Variants in PPARA observed in about 807,000 individuals in gnomAD.
PPARA encodes peroxisome proliferator activated receptor alpha.
Under a neutral mutation model 42.2 loss-of-function variants are expected in PPARA, and 22 were observed. That is an observed-to-expected ratio of 0.52 (90% CI 0.37 to 0.74). The LOEUF is 0.74. Among genes scored for constraint, PPARA ranks in the 30% least tolerant of loss-of-function variants. The pLI is 0.00. For synonymous variants in PPARA, 242 were observed against 239.3 expected (o/e 1.01, Z -0.10); for missense variants, 465 against 608.2 (o/e 0.76, Z 2.48).
chr22:46,175,302 T>G (rs1457758419), intron 2 of PPARA, among the ~76,000 whole-genome samples: 2 of 152,220 alleles, frequency 1.3e-5, no homozygotes, highest in Non-Finnish European at 2.9e-5. Flanking sequence ...ACATAATGTT[T>G]CCATCACCAA....
In PPARA at chr22:46,226,328, G is replaced by A. The variant is rs187867092; in HGVS notation, c.712-5464G>A. Among the ~76,000 whole-genome samples the A allele has an allele frequency of 8.9e-4, 135 of 152,314 alleles. 2 individuals are homozygous for A. Among genetic ancestry groups the A allele is most frequent in the Non-Finnish European group, 9.7e-4 (66 of 68,026 alleles). On this transcript the variant is annotated intron_variant, in intron 7 of 8. Transcript: ENST00000407236. Reference sequence around the variant, plus strand: ...TTCCAAAAAATGAGTGTGGTGTTCAGTTAAACAACCAAATAATTCTTTAGC... The same window carrying A: ...TTCCAAAAAATGAGTGTGGTGTTCAATTAAACAACCAAATAATTCTTTAGC...
intron 4 of PPARA, among the ~76,000 whole-genome samples, chr22:46,214,385 G>A (rs1322030149): frequency 2.7e-5 from 4 of 150,518 alleles, no homozygotes; most frequent in African/African-American, 9.8e-5. Flanking sequence ...GGAAATGTGC[G>A]GATCAGGAGA....
At position 46,196,661 on chromosome 22, in the gene PPARA, C is replaced by T. The variant is rs188166033; in HGVS notation, c.-42-1681C>T. Among the ~76,000 whole-genome samples, 37 of 152,352 alleles carry T rather than the reference C, an allele frequency of 2.4e-4. No homozygotes were observed. The East Asian group carries it at 6.8e-3, about 28-fold the overall frequency. On this transcript the variant is annotated intron_variant, in intron 3 of 8. Coordinates refer to ENST00000407236, the MANE Select transcript of PPARA (RefSeq NM_005036.6). The surrounding 1 kb of genome is among the most constrained non-coding windows in gnomAD (Gnocchi z 5.6). ...CCACACGTGCATTCATTTCGTTGTT[C>T]ACCATCTGTGTCCCAGTTACAAGGG...
chr22:46,204,760 C>T lies in PPARA; in HGVS notation c.208+6169C>T, dbSNP rs1015533199. On this transcript the variant is annotated intron_variant, in intron 4 of 8. Coordinates refer to ENST00000407236, the MANE Select transcript of PPARA (RefSeq NM_005036.6). This position sits in a 1 kb window ranked among gnomAD's most constrained non-coding sequence, Gnocchi z 5.2. ...TATTTATATATTTTGAATACAAATA[C>T]TTTATCAGACATGTGATCTACAAAT... Among the ~76,000 whole-genome samples, 3 of 151,784 alleles carry T rather than the reference C, an allele frequency of 2.0e-5. No homozygotes were observed. The highest frequency in any genetic ancestry group is 7.3e-5 in the African/African-American group (3 of 41,258).
intron 4 of PPARA, among the ~76,000 whole-genome samples, chr22:46,205,034 A>G (rs1022074427): frequency 1.4e-5 from 2 of 144,102 alleles, no homozygotes; most frequent in Non-Finnish European, 3.1e-5. Flanking sequence ...TGCTTGGCTA[A>G]TTTTTTTTTT....
intron 3 of PPARA, among the ~76,000 whole-genome samples, chr22:46,185,915 AAATATATATATAT>A (rs1930664044): frequency 4.2e-5 from 2 of 47,144 alleles, no homozygotes; most frequent in African/African-American, 2.2e-4. Flanking sequence ...AAAAAAAAAA[AAATATATATATAT>A]ATATATATAT....
At position 46,235,962 on chromosome 22, in the gene PPARA, G is replaced by A. The variant is rs905589715; in HGVS notation, c.*582G>A. ...ATAGGATGGAGAATTTTAAAGAACT[G>A]TTTGGGCCAGGCACAGTCGCTCATA... On this transcript the variant is annotated 3_prime_UTR_variant, in exon 9 of 9. Transcript: ENST00000407236. The surrounding 1 kb of genome is among the most constrained non-coding windows in gnomAD (Gnocchi z 7.0). 1 of 162,888 alleles carries A rather than the reference G, an allele frequency of 6.1e-6. No individual in the cohort carries two copies. Among genetic ancestry groups the A allele is most frequent in the East Asian group, 1.7e-4 (1 of 5,756 alleles). The allele number at this position is 162,888 out of a possible 1,614,324, so 10.1% of individuals were successfully genotyped here. A position where few individuals can be genotyped will look rare whatever the true frequency, so the allele number is the denominator to read the frequency against.
In PPARA at chr22:46,231,662, C is replaced by T. The variant is rs921799984; in HGVS notation, c.712-130C>T. On this transcript the variant is annotated intron_variant, in intron 7 of 8. Transcript: ENST00000407236. This position sits in a 1 kb window ranked among gnomAD's most constrained non-coding sequence, Gnocchi z 7.7. ...GAAGTTGAGTAAGGACTATGTTCCG[C>T]GGGTATCTTGAGTCCTCTGAGGCAC... The T allele has an allele frequency of 4.9e-5, 44 of 897,158 alleles. No individual in the cohort carries two copies. The highest frequency in any genetic ancestry group is 3.2e-4 in the Middle Eastern group (1 of 3,098). The allele number at this position is 897,158 out of a possible 1,614,324, so 55.6% of individuals were successfully genotyped here.
intron 3 of PPARA, among the ~76,000 whole-genome samples, chr22:46,186,304 T>G (rs1930795505): frequency 6.6e-6 from 1 of 152,118 alleles, no homozygotes; most frequent in Non-Finnish European, 1.5e-5. Flanking sequence ...CACATAAATC[T>G]AATTTTCCTC....
chr22:46,170,348 A>C (rs1601631137), intron 2 of PPARA, among the ~76,000 whole-genome samples: 1 of 142,606 alleles, frequency 7.0e-6, no homozygotes, highest in Admixed American at 7.1e-5. Context: ...TGATCCACCC[A>C]CCTCAGCCTC....
In PPARA at chr22:46,240,559, A is replaced by G. The variant is rs1402868684; in HGVS notation, c.*5179A>G. The G allele has an allele frequency of 1.9e-5, 5 of 256,480 alleles. No individual in the cohort carries two copies. The highest frequency in any genetic ancestry group is 2.9e-5 in the Non-Finnish European group (4 of 136,334). 15.9% of individuals were successfully genotyped at this position (256,480 alleles called of 1,614,324 possible). A position where few individuals can be genotyped will look rare whatever the true frequency, so the allele number is the denominator to read the frequency against. Reference sequence around the variant, plus strand: ...TCTTTCACATTCAGAAAAGTAGTATAGATTCAGGAGAGGCAAGAAAATTAT... The same window carrying G: ...TCTTTCACATTCAGAAAAGTAGTATGGATTCAGGAGAGGCAAGAAAATTAT... On this transcript the variant is annotated 3_prime_UTR_variant, in exon 9 of 9. Coordinates refer to ENST00000407236, the MANE Select transcript of PPARA (RefSeq NM_005036.6). The surrounding 1 kb of genome is among the most constrained non-coding windows in gnomAD (Gnocchi z 6.0).
In PPARA at chr22:46,240,389, C is replaced by T; in HGVS notation, c.*5009C>T. 1 of 396,648 alleles carries T rather than the reference C, an allele frequency of 2.5e-6. No homozygotes were observed. Among genetic ancestry groups the T allele is most frequent in the East Asian group, 3.6e-5 (1 of 28,036 alleles). The allele number at this position is 396,648 out of a possible 1,614,324, so 24.6% of individuals were successfully genotyped here. ...GCAGCCTCCCTGTTGTTTCTAGACT[C>T]TTGCACCTGGTGAGTGCAAGGATAG... On this transcript the variant is annotated 3_prime_UTR_variant, in exon 9 of 9. Coordinates refer to ENST00000407236, the MANE Select transcript of PPARA (RefSeq NM_005036.6). The surrounding 1 kb of genome is among the most constrained non-coding windows in gnomAD (Gnocchi z 6.0).
At position 46,184,808 on chromosome 22, in the gene PPARA, T is replaced by C. The variant is rs1930436967; in HGVS notation, c.-43+7972T>C. On this transcript the variant is annotated intron_variant, in intron 3 of 8. Transcript: ENST00000407236. The surrounding 1 kb of genome is among the most constrained non-coding windows in gnomAD (Gnocchi z 4.4). ...AGGTGGAGGTTGCAGTGAGCTGAGA[T>C]TGTGTCACTGCACTCCAGCCTACGC... Among the ~76,000 whole-genome samples the C allele has an allele frequency of 6.6e-6, 1 of 152,144 alleles. No individual in the cohort carries two copies. The highest frequency in any genetic ancestry group is 1.5e-5 in the Non-Finnish European group (1 of 68,008).
rs143043077 is a variant in PPARA at position 46,204,850 on chromosome 22, GA to G, written c.208+6265del. On this transcript the variant is annotated intron_variant, in intron 4 of 8. Coordinates refer to ENST00000407236, the MANE Select transcript of PPARA (RefSeq NM_005036.6). The surrounding 1 kb of genome is among the most constrained non-coding windows in gnomAD (Gnocchi z 5.2). Reference sequence around the variant, plus strand: ...CTGATAGTATCTTAAAAAAAAAAAAGAAAAAAGATTGTTTTGTTTGTTTTGT... The same window carrying G: ...CTGATAGTATCTTAAAAAAAAAAAAGAAAAAGATTGTTTTGTTTGTTTTGT... Among the ~76,000 whole-genome samples the G allele has an allele frequency of 0.015, 2,310 of 150,188 alleles. 53 individuals carry two copies. The highest frequency in any genetic ancestry group is 0.054 in the African/African-American group (2,207 of 40,510).
In PPARA at chr22:46,240,499, G is replaced by C. The variant is rs1936343476; in HGVS notation, c.*5119G>C. On this transcript the variant is annotated 3_prime_UTR_variant, in exon 9 of 9. Transcript: ENST00000407236. The surrounding 1 kb of genome is among the most constrained non-coding windows in gnomAD (Gnocchi z 6.0). ...CCTCTGCAGTTAGCATGGTTGGCCT[G>C]ATGCAGGGATCCCGAGGGATTACTT... The C allele has an allele frequency of 7.9e-6, 3 of 379,928 alleles. No individual in the cohort carries two copies. Among genetic ancestry groups the C allele is most frequent in the South Asian group, 2.9e-4 (2 of 6,884 alleles). The allele number at this position is 379,928 out of a possible 1,614,324, so 23.5% of individuals were successfully genotyped here.
At chr22:46,170,706 AG>A (rs1271118981) in intron 2 of PPARA, among the ~76,000 whole-genome samples, 1 of 151,814 alleles carries the variant, frequency 6.6e-6, no homozygotes, top group Admixed American at 6.6e-5. Flanking sequence ...TGAGCAGAAA[AG>A]GCATACATCA....
At chr22:46,223,231 G>A (rs1304266492) in intron 7 of PPARA, among the ~76,000 whole-genome samples, 1 of 152,140 alleles carries the variant, frequency 6.6e-6, no homozygotes, top group East Asian at 1.9e-4. Flanking sequence ...TGGGACTCCT[G>A]GAGTCCTCCT....
intron 3 of PPARA, among the ~76,000 whole-genome samples, chr22:46,178,356 C>A (rs926734537): frequency 6.6e-6 from 1 of 152,150 alleles, no homozygotes; most frequent in Non-Finnish European, 1.5e-5. Context: ...GATAACAAAA[C>A]CTCCATACAA....
rs1218018880 is a variant in PPARA at position 46,230,990 on chromosome 22, T to C, written c.712-802T>C. Among the ~76,000 whole-genome samples the C allele has an allele frequency of 6.6e-6, 1 of 152,230 alleles. No homozygotes were observed. The highest frequency in any genetic ancestry group is 1.5e-5 in the Non-Finnish European group (1 of 68,042). On this transcript the variant is annotated intron_variant, in intron 7 of 8. Transcript: ENST00000407236. This position sits in a 1 kb window ranked among gnomAD's most constrained non-coding sequence, Gnocchi z 5.0. ...AGAGAATATTTAAGAATATTAAAGGTGCTTTGCTAATGTCCTCGTTAGTTT... is the reference window on the plus strand; with the variant it reads ...AGAGAATATTTAAGAATATTAAAGGCGCTTTGCTAATGTCCTCGTTAGTTT...
Sources: allele counts gnomAD v4.1 joint callset (sites outside exome capture counted in the v4.1 genomes callset), GRCh38; gene constraint gnomAD v4.1.1; non-coding constraint Gnocchi (gnomAD v3.1); transcripts MANE v1.5; gene names NCBI Gene and HGNC (gene_info 2026-07-23, HGNC 2026-07-21).